The following OSBPL3 variants were observed in gnomAD, a reference collection of about 807,000 sequenced individuals.
The protein encoded by OSBPL3 is oxysterol binding protein like 3.
A neutral mutation model predicts 120.1 loss-of-function variants in OSBPL3; 65 were observed. That is an observed-to-expected ratio of 0.54 (90% CI 0.44 to 0.67). OSBPL3 has a LOEUF of 0.67. Ranked by LOEUF, OSBPL3 falls within the 30% of genes least tolerant of loss-of-function variation. OSBPL3 has a pLI of 0.00. For synonymous variants in OSBPL3, 416 were observed against 402.6 expected, an observed-to-expected ratio of 1.03 and a Z score of -0.40; for missense variants, 1,004 against 1,082.1, an observed-to-expected ratio of 0.93 and a Z score of 1.01.
intron 1 of OSBPL3, among the ~76,000 whole-genome samples, chr7:24,902,174 A>C (rs1807121082): frequency 6.6e-6 from 1 of 152,252 alleles, no homozygotes; most frequent in Non-Finnish European, 1.5e-5. Context: ...AGGCAATCAC[A>C]TTGCTATAAG....
At chr7:24,926,676 C>T (rs192136036) in intron 1 of OSBPL3, among the ~76,000 whole-genome samples, 6 of 152,296 alleles carry the variant, frequency 3.9e-5, no homozygotes, top group African/African-American at 9.6e-5. Flanking sequence ...CCTTCTTGTC[C>T]ATTTCTGCCT....
intron 1 of OSBPL3, among the ~76,000 whole-genome samples, chr7:24,924,297 C>A (rs953296413): frequency 6.6e-5 from 10 of 152,162 alleles, no homozygotes; most frequent in Non-Finnish European, 1.3e-4. Context: ...TAGGAGGCCA[C>A]ATTTGGGTGG....
At position 24,820,817 on chromosome 7, in the gene OSBPL3, T is replaced by TAAA. The variant is rs34650111; in HGVS notation, c.1885-582_1885-580dup. ...TTTTTTTAAAAAAGAGTGTTTCTAT[T>TAAA]AAAAAAAAAAAAGGTAAACACAATT... On this transcript the variant is annotated intron_variant, in intron 16 of 22. Transcript: ENST00000313367. This position sits in a 1 kb window ranked among gnomAD's most constrained non-coding sequence, Gnocchi z 4.6. Among the ~76,000 whole-genome samples, 18,067 of 146,960 alleles carry TAAA rather than the reference T, an allele frequency of 0.12. 1,746 individuals are homozygous for TAAA. Among genetic ancestry groups the TAAA allele is most frequent in the East Asian group, 0.51 (2,583 of 5,056 alleles).
In OSBPL3 at chr7:24,877,943, G is replaced by A. The variant is rs1164377467; in HGVS notation, c.97-5874C>T. 3.9e-5 allele frequency among the ~76,000 whole-genome samples: 6 copies of A among 152,194 alleles called. No individual in the cohort carries two copies. The highest frequency in any genetic ancestry group is 7.3e-5 in the Non-Finnish European group (5 of 68,040). On this transcript the variant is annotated intron_variant, in intron 2 of 22. Coordinates refer to ENST00000313367, the MANE Select transcript of OSBPL3 (RefSeq NM_015550.4). This position sits in a 1 kb window ranked among gnomAD's most constrained non-coding sequence, Gnocchi z 4.8. ...TAAAGGTCACCATGAATACCAGGTG[G>A]AGAGAGAAACATGGGAGGGGTTGGG...
chr7:24,897,075 G>GGGAAGAGAGGGA (rs1806247665), intron 1 of OSBPL3, among the ~76,000 whole-genome samples: 1 of 151,462 alleles, frequency 6.6e-6, no homozygotes, highest in Non-Finnish European at 1.5e-5. Context: ...GAGGGAGGGA[G>GGGAAGAGAGGGA]GGAAGAGAGG....
rs773549792 is a variant in OSBPL3, at chr7:24,947,737, A to G, written c.-150+32149T>C. Among the ~76,000 whole-genome samples the G allele has an allele frequency of 1.1e-4, 17 of 151,690 alleles. No homozygotes were observed. Among genetic ancestry groups the G allele is most frequent in the Non-Finnish European group, 1.9e-4 (13 of 67,962 alleles). ...AAACTATAATCTGAACACAAGTAAT[A>G]TATGCATGTGTATATATGTATACAT... On this transcript the variant is annotated intron_variant, in intron 1 of 22. Transcript: ENST00000313367. The surrounding 1 kb of genome is among the most constrained non-coding windows in gnomAD (Gnocchi z 4.4).
At chr7:24,915,367 G>A (rs1230166948) in intron 1 of OSBPL3, among the ~76,000 whole-genome samples, 3 of 152,132 alleles carry the variant, frequency 2.0e-5, no homozygotes, top group Non-Finnish European at 4.4e-5. Context: ...CCCCATGGAA[G>A]GTGGGCATTT....
At chr7:24,973,787 A>G (rs913441410) in intron 1 of OSBPL3, among the ~76,000 whole-genome samples, 20 of 152,224 alleles carry the variant, frequency 1.3e-4, no homozygotes, top group African/African-American at 4.8e-4. Context: ...CTTTCATACC[A>G]GAGGAATCCT....
rs1795204694 is a variant in OSBPL3, at chr7:24,822,174, A to G, written c.1885-1936T>C. The stretch of plus-strand genomic sequence containing the variant: ...CAGGTGTGAGCCACCATATCCAGTT[A>G]TCTTTTTTAAAAAAATCCTACCACT... On this transcript the variant is annotated intron_variant, in intron 16 of 22. Transcript: ENST00000313367. The surrounding 1 kb of genome is among the most constrained non-coding windows in gnomAD (Gnocchi z 5.8). Among the ~76,000 whole-genome samples the G allele has an allele frequency of 6.6e-6, 1 of 152,174 alleles. No homozygotes were observed. The highest frequency in any genetic ancestry group is 2.4e-5 in the African/African-American group (1 of 41,438).
chr7:24,800,069 T>C lies in OSBPL3; in HGVS notation c.*114A>G. The C allele has an allele frequency of 3.4e-6, 2 of 593,546 alleles. No homozygotes were observed. The highest frequency in any genetic ancestry group is 6.1e-6 in the Non-Finnish European group (2 of 328,626). The allele number at this position is 593,546 out of a possible 1,614,324, so 36.8% of individuals were successfully genotyped here. A position where few individuals can be genotyped will look rare whatever the true frequency, so the allele number is the denominator to read the frequency against. On this transcript the variant is annotated 3_prime_UTR_variant, in exon 23 of 23. Transcript: ENST00000313367. ...GACTTAAAGAGTTACAATGCTAAGC[T>C]AAGCACAAGTGATCATCCTAGAGTA...
chr7:24,859,709 T>C (rs1398808800), intron 10 of OSBPL3, among the ~76,000 whole-genome samples: 1 of 152,192 alleles, frequency 6.6e-6, no homozygotes, highest in Non-Finnish European at 1.5e-5. Context: ...TTCTTATTTA[T>C]GCAATAGAGA....
intron 19 of OSBPL3, chr7:24,810,231 A>C (rs1174872105): frequency 7.3e-6 from 2 of 273,992 alleles, no homozygotes; most frequent in Non-Finnish European, 1.4e-5. Context: ...GATAACACTT[A>C]ACTCTCTCAG....
intron 5 of OSBPL3, among the ~76,000 whole-genome samples, chr7:24,869,832 C>G (rs1003077989): frequency 2.6e-5 from 4 of 152,202 alleles, no homozygotes; most frequent in Admixed American, 1.3e-4. Flanking sequence ...GACAGGGACA[C>G]ATTAAGACAA....
rs1562762884 is a variant in OSBPL3, at chr7:24,813,475, G to C, written c.2172+1584C>G. Among the ~76,000 whole-genome samples the C allele has an allele frequency of 1.3e-5, 2 of 152,160 alleles. No individual in the cohort carries two copies. The highest frequency in any genetic ancestry group is 2.1e-4 in the South Asian group (1 of 4,828). On this transcript the variant is annotated intron_variant, in intron 19 of 22. Coordinates refer to ENST00000313367, the MANE Select transcript of OSBPL3 (RefSeq NM_015550.4). This position sits in a 1 kb window ranked among gnomAD's most constrained non-coding sequence, Gnocchi z 4.5. ...GCAACGTGGCTTTCACCTGGGTCAC[G>C]GGTAACATATCCCTGCTTCAGGTTG...
At position 24,881,492 on chromosome 7, in the gene OSBPL3, T is replaced by G. The variant is rs959054154; in HGVS notation, c.97-9423A>C. Among the ~76,000 whole-genome samples, 1 of 152,212 alleles carries G rather than the reference T, an allele frequency of 6.6e-6. No homozygotes were observed. Among genetic ancestry groups the G allele is most frequent in the Non-Finnish European group, 1.5e-5 (1 of 68,038 alleles). On this transcript the variant is annotated intron_variant, in intron 2 of 22. Transcript: ENST00000313367. This position sits in a 1 kb window ranked among gnomAD's most constrained non-coding sequence, Gnocchi z 4.3. The stretch of plus-strand genomic sequence containing the variant: ...AATCAAGTGCTGGATCTCAAAAAGC[T>G]AACATACATTACAAATGTTAATAAA...
At position 24,945,628 on chromosome 7, in the gene OSBPL3, GGCA is replaced by G. The variant is rs34976557; in HGVS notation, c.-150+34255_-150+34257del. The stretch of plus-strand genomic sequence containing the variant: ...ACTCTGATACGGTGAAATGATTACT[GGCA>G]GCAAGGGGAAAAAAATAGAAGTACA... On this transcript the variant is annotated intron_variant, in intron 1 of 22. Coordinates refer to ENST00000313367, the MANE Select transcript of OSBPL3 (RefSeq NM_015550.4). Among the ~76,000 whole-genome samples, 320 of 152,312 alleles carry G rather than the reference GGCA, an allele frequency of 2.1e-3. 1 individual carries two copies. The highest frequency in any genetic ancestry group is 6.6e-3 in the African/African-American group (274 of 41,568).
At position 24,953,869 on chromosome 7, in the gene OSBPL3, T is replaced by C. The variant is rs1814736331; in HGVS notation, c.-150+26017A>G. Among the ~76,000 whole-genome samples the C allele has an allele frequency of 6.6e-6, 1 of 152,200 alleles. No homozygotes were observed. Among genetic ancestry groups the C allele is most frequent in the African/African-American group, 2.4e-5 (1 of 41,462 alleles). On this transcript the variant is annotated intron_variant, in intron 1 of 22. Transcript: ENST00000313367. This position sits in a 1 kb window ranked among gnomAD's most constrained non-coding sequence, Gnocchi z 4.3. Reference sequence around the variant, plus strand: ...CCCAGGAATAGCTTTTGCTACAAAATGTGAGACAAAACAGCTCATGAAGAA... The same window carrying C: ...CCCAGGAATAGCTTTTGCTACAAAACGTGAGACAAAACAGCTCATGAAGAA...
chr7:24,978,504 C>T (rs1260899693), intron 1 of OSBPL3, among the ~76,000 whole-genome samples: 1 of 152,164 alleles, frequency 6.6e-6, no homozygotes, highest in Non-Finnish European at 1.5e-5. Context: ...TGAGCAACAG[C>T]AAACGGGTGA....
rs1792461296 is a variant in OSBPL3 at position 24,802,332 on chromosome 7, G to A, written c.2567+1983C>T. 6.6e-6 allele frequency among the ~76,000 whole-genome samples: 1 copy of A among 152,060 alleles called. No individual in the cohort carries two copies. Among genetic ancestry groups the A allele is most frequent in the Non-Finnish European group, 1.5e-5 (1 of 68,022 alleles). ...TTCCTCTCCAAAATCTCTTTGCCAG[G>A]TTTCTAATTTGAACAGTCCCAAGGA... On this transcript the variant is annotated intron_variant, in intron 22 of 22. Transcript: ENST00000313367. The surrounding 1 kb of genome is among the most constrained non-coding windows in gnomAD (Gnocchi z 4.1).
Sources: gnomAD v4.1 joint callset for allele counts (sites outside exome capture counted in the v4.1 genomes callset) on GRCh38, gnomAD v4.1.1 for gene constraint, Gnocchi (gnomAD v3.1) non-coding constraint, MANE v1.5 for transcripts, NCBI Gene and HGNC (gene_info 2026-07-23, HGNC 2026-07-21) for gene names.